USP6NL: variants seen among roughly 807,000 people sequenced by gnomAD.
USP6NL encodes the protein USP6 N-terminal-like protein.
A neutral mutation model predicts 61.9 loss-of-function variants in USP6NL; 26 were observed. The ratio of observed to expected loss-of-function variants is 0.42; its 90% CI spans 0.31 to 0.58. The LOEUF is 0.58. Ranked by LOEUF, USP6NL falls within the 20% of genes least tolerant of loss-of-function variation. The probability of loss-of-function intolerance (pLI) is 0.16; values close to 1 mark genes in which losing one functional copy is unlikely to be tolerated. For missense variants in USP6NL, 1,114 were observed against 1,034.3 expected (o/e 1.08, Z -1.06); for synonymous variants, 432 against 390.1 (o/e 1.11, Z -1.27).
chr10:11,576,163 C>A (rs1286853622), intron 2 of USP6NL, among the ~76,000 whole-genome samples: 1 of 151,464 alleles, frequency 6.6e-6, no homozygotes, highest in South Asian at 2.1e-4. Context: ...CTGGGGAAAT[C>A]CAGGTAAAAG....
At chr10:11,606,345 A>G (rs540198726) in intron 1 of USP6NL, among the ~76,000 whole-genome samples, 4 of 152,354 alleles carry the variant, frequency 2.6e-5, no homozygotes, top group African/African-American at 9.6e-5. Flanking sequence ...CTGAAGAAAT[A>G]CTAAATGGTA....
rs1382752507 is a variant in USP6NL at position 11,478,888 on chromosome 10, AGAGT to A, written c.1078+2878_1078+2881del. On this transcript the variant is annotated intron_variant, in intron 14 of 14. Transcript: ENST00000609104. This position sits in a 1 kb window ranked among gnomAD's most constrained non-coding sequence, Gnocchi z 6.8. ...GCCATCACACTCCAGCCTAGGCAACAGAGTGAGACCCTGTCTCATGTTTAAAAAG... is the reference window on the plus strand; with the variant it reads ...GCCATCACACTCCAGCCTAGGCAACAGAGACCCTGTCTCATGTTTAAAAAG... 2.0e-5 allele frequency among the ~76,000 whole-genome samples: 3 copies of A among 152,040 alleles called. No individual in the cohort carries two copies. The highest frequency in any genetic ancestry group is 4.8e-5 in the African/African-American group (2 of 41,448).
Position 11,603,646 on chromosome 10 carries a change from T to C in USP6NL, c.-83-5929A>G, listed in dbSNP as rs568149186. On this transcript the variant is annotated intron_variant, in intron 1 of 14. Transcript: ENST00000609104. ...TCTAATTGGATTCTAAATACAAGAATGTATTCATCTATTCATTTAATAGAT... is the reference window on the plus strand; with the variant it reads ...TCTAATTGGATTCTAAATACAAGAACGTATTCATCTATTCATTTAATAGAT... Among the ~76,000 whole-genome samples the C allele has an allele frequency of 2.6e-5, 4 of 152,346 alleles. No homozygotes were observed. The East Asian group carries it at 7.7e-4, about 29-fold the overall frequency.
At chr10:11,506,138 T>G (rs982229256) in intron 6 of USP6NL, among the ~76,000 whole-genome samples, 1 of 152,202 alleles carries the variant, frequency 6.6e-6, no homozygotes, top group South Asian at 2.1e-4. Context: ...AGAAATTTAT[T>G]TCTAGGCAAT....
rs950076425 is a variant in USP6NL at position 11,513,991 on chromosome 10, T to C, written c.196-4316A>G. On this transcript the variant is annotated intron_variant, in intron 5 of 14. Transcript: ENST00000609104. This position sits in a 1 kb window ranked among gnomAD's most constrained non-coding sequence, Gnocchi z 4.7. ...TCAGCAGGATTATCACCCCATTATGTTGTCTTTCCCAGCACATCACATCAG... is the reference window on the plus strand; with the variant it reads ...TCAGCAGGATTATCACCCCATTATGCTGTCTTTCCCAGCACATCACATCAG... Among the ~76,000 whole-genome samples the C allele has an allele frequency of 6.6e-6, 1 of 152,202 alleles. No individual in the cohort carries two copies. Among genetic ancestry groups the C allele is most frequent in the Non-Finnish European group, 1.5e-5 (1 of 68,030 alleles).
intron 2 of USP6NL, among the ~76,000 whole-genome samples, chr10:11,543,063 T>C (rs1253908738): frequency 1.3e-5 from 2 of 152,194 alleles, no homozygotes; most frequent in Non-Finnish European, 2.9e-5. Flanking sequence ...AATTAATATT[T>C]TGATACTACT....
chr10:11,543,729 G>T (rs1218466997), intron 2 of USP6NL, among the ~76,000 whole-genome samples: 1 of 148,946 alleles, frequency 6.7e-6, no homozygotes, highest in Non-Finnish European at 1.5e-5. Flanking sequence ...ACTGATCCAT[G>T]AGAAAAAGGG....
At chr10:11,559,846 T>C (rs1052188016) in intron 2 of USP6NL, among the ~76,000 whole-genome samples, 1 of 152,156 alleles carries the variant, frequency 6.6e-6, no homozygotes, top group Non-Finnish European at 1.5e-5. Context: ...TTACCTTAAC[T>C]TCTCTAAGCT....
chr10:11,556,876 C>T (rs1836726912), intron 2 of USP6NL, among the ~76,000 whole-genome samples: 1 of 152,232 alleles, frequency 6.6e-6, no homozygotes. Flanking sequence ...AAATCAATCA[C>T]ATCCAGTCTT....
At chr10:11,550,895 T>C (rs1176409547) in intron 2 of USP6NL, among the ~76,000 whole-genome samples, 2 of 151,648 alleles carry the variant, frequency 1.3e-5, no homozygotes, top group African/African-American at 4.8e-5. Context: ...AAACCACTAA[T>C]AATTAGAGAA....
At chr10:11,604,525 A>G (rs117934286) in intron 1 of USP6NL, among the ~76,000 whole-genome samples, 1 of 152,314 alleles carries the variant, frequency 6.6e-6, no homozygotes, top group East Asian at 1.9e-4. Flanking sequence ...GTAAGCCTCA[A>G]TGAGGGCAAA....
rs867367363 is a variant in USP6NL at position 11,585,570 on chromosome 10, G to A, written c.4+12061C>T. ...CCAGCTACTCGGGAGGCTGAGGAAC[G>A]GGAATGGCGCGAACCCGGGATGCGG... On this transcript the variant is annotated intron_variant, in intron 2 of 14. Coordinates refer to ENST00000609104, the MANE Select transcript of USP6NL (RefSeq NM_014688.5). This position sits in a 1 kb window ranked among gnomAD's most constrained non-coding sequence, Gnocchi z 4.5. Among the ~76,000 whole-genome samples the A allele has an allele frequency of 3.5e-4, 53 of 152,134 alleles. 1 individual carries two copies. Among genetic ancestry groups the A allele is most frequent in the African/African-American group, 1.2e-3 (48 of 41,426 alleles).
intron 2 of USP6NL, among the ~76,000 whole-genome samples, chr10:11,535,428 T>G (rs1168923655): frequency 2.6e-5 from 4 of 152,112 alleles, no homozygotes; most frequent in Admixed American, 1.3e-4. Flanking sequence ...CGAAGCACCA[T>G]GCAATAAAGA....
rs920921274 is a variant in USP6NL at position 11,548,162 on chromosome 10, C to T, written c.5-20595G>A. Among the ~76,000 whole-genome samples the T allele has an allele frequency of 2.6e-5, 4 of 152,108 alleles. No individual in the cohort carries two copies. Among genetic ancestry groups the T allele is most frequent in the Admixed American group, 2.6e-4 (4 of 15,260 alleles). ...CCTTTTAGTTCTAAACAAAATTAGG[C>T]TTTTCCACATGAGAGGCCTGTAAAT... is the stretch of plus-strand genomic sequence containing the variant. On this transcript the variant is annotated intron_variant, in intron 2 of 14. Transcript: ENST00000609104. This position sits in a 1 kb window ranked among gnomAD's most constrained non-coding sequence, Gnocchi z 4.3.
intron 7 of USP6NL, among the ~76,000 whole-genome samples, chr10:11,493,762 C>T (rs906946460): frequency 3.9e-5 from 6 of 152,022 alleles, no homozygotes; most frequent in East Asian, 1.9e-4. Flanking sequence ...CCTGCCTGTG[C>T]GGCCGGACCT....
rs1833706531 is a variant in USP6NL at position 11,491,479 on chromosome 10, T to C, written c.495-599A>G. On this transcript the variant is annotated intron_variant, in intron 8 of 14. Transcript: ENST00000609104. The surrounding 1 kb of genome is among the most constrained non-coding windows in gnomAD (Gnocchi z 4.7). The stretch of plus-strand genomic sequence containing the variant: ...GAGATCTTAGTTCCAAAAGGAGGAA[T>C]GCTTCCACCATGAGACATAACAGTG... Among the ~76,000 whole-genome samples, 1 of 152,216 alleles carries C rather than the reference T, an allele frequency of 6.6e-6. No homozygotes were observed. The highest frequency in any genetic ancestry group is 6.5e-5 in the Admixed American group (1 of 15,284).
chr10:11,567,908 G>C (rs1837222248), intron 2 of USP6NL, among the ~76,000 whole-genome samples: 1 of 152,116 alleles, frequency 6.6e-6, no homozygotes, highest in South Asian at 2.1e-4. Context: ...ACTTGCTCAA[G>C]GCTAAACAGC....
intron 2 of USP6NL, among the ~76,000 whole-genome samples, chr10:11,586,658 C>T (rs909907821): frequency 5.9e-5 from 9 of 151,938 alleles, no homozygotes; most frequent in African/African-American, 1.9e-4. Flanking sequence ...ATATTTTTCC[C>T]CCATTTTCAA....
intron 2 of USP6NL, among the ~76,000 whole-genome samples, chr10:11,538,234 G>C (rs117089294): frequency 0.027 from 4,165 of 152,246 alleles, 79 homozygotes; most frequent in Non-Finnish European, 0.046. Context: ...TATTATAACA[G>C]AGAAGCCTTT....
Sources: gnomAD v4.1 joint callset for allele counts (sites outside exome capture counted in the v4.1 genomes callset) on GRCh38, gnomAD v4.1.1 for gene constraint, Gnocchi (gnomAD v3.1) non-coding constraint, MANE v1.5 for transcripts, NCBI Gene and HGNC (gene_info 2026-07-23, HGNC 2026-07-21) for gene names.